The following B3GALT1 variants were observed in gnomAD, a reference collection of about 807,000 sequenced individuals.
The protein encoded by B3GALT1 is beta-1,3-galactosyltransferase 1.
Under a neutral mutation model 23.2 loss-of-function variants are expected in B3GALT1, and 10 were observed. The observed-to-expected ratio is 0.43, with a 90% CI of 0.27 to 0.73. The LOEUF is 0.73. Ranked by LOEUF, B3GALT1 falls within the 30% of genes least tolerant of loss-of-function variation. B3GALT1 has a pLI of 0.21. For synonymous variants in B3GALT1, 156 were observed against 141.5 expected, an observed-to-expected ratio of 1.10 and a Z score of -0.73; for missense variants, 299 against 405.4, an observed-to-expected ratio of 0.74 and a Z score of 2.25.
chr2:167,863,818 G>C lies in B3GALT1; in HGVS notation c.-229-4993G>C, dbSNP rs77609855. Reference sequence around the variant, plus strand: ...TAGCCACTCTTTAGGTTTTCAGCAAGTTTCTTTTCAGACTTCAAATTCTCT... The same window carrying C: ...TAGCCACTCTTTAGGTTTTCAGCAACTTTCTTTTCAGACTTCAAATTCTCT... On this transcript the variant is annotated intron_variant, in intron 4 of 4. Coordinates refer to ENST00000392690, the MANE Select transcript of B3GALT1 (RefSeq NM_020981.4). 3.4e-3 allele frequency among the ~76,000 whole-genome samples: 512 copies of C among 152,222 alleles called. 6 individuals are homozygous for C. The highest frequency in any genetic ancestry group is 0.012 in the African/African-American group (492 of 41,530).
intron 1 of B3GALT1, among the ~76,000 whole-genome samples, chr2:167,444,864 C>A (rs1559098606): frequency 6.6e-6 from 1 of 152,240 alleles, no homozygotes; most frequent in East Asian, 1.9e-4. Context: ...TCTGTATCTC[C>A]TTCAGTTCTG....
intron 3 of B3GALT1, among the ~76,000 whole-genome samples, chr2:167,765,016 T>A (rs900351696): frequency 1.3e-5 from 2 of 152,134 alleles, no homozygotes; most frequent in Non-Finnish European, 2.9e-5. Flanking sequence ...TGGGAACCTT[T>A]ACCCACCTGC....
At position 167,314,946 on chromosome 2, in the gene B3GALT1, C is replaced by T. The variant is rs1483962197; in HGVS notation, c.-511+21612C>T. 2.6e-5 allele frequency among the ~76,000 whole-genome samples: 4 copies of T among 152,256 alleles called. No homozygotes were observed. In the East Asian group the frequency reaches 7.7e-4, roughly 29 times the overall value. ...TCCATTTCTAATTAGAGAGCTGTTT[C>T]ATGGCTCAGCTCAATGTGTCCATTA... On this transcript the variant is annotated intron_variant, in intron 1 of 4. Transcript: ENST00000392690.
intron 3 of B3GALT1, among the ~76,000 whole-genome samples, chr2:167,711,464 C>T (rs937955652): frequency 2.6e-5 from 4 of 152,070 alleles, no homozygotes; most frequent in African/African-American, 9.7e-5. Context: ...ACCTGACGGT[C>T]CTCTGAGTCA....
chr2:167,773,877 A>C (rs950172364), intron 3 of B3GALT1, among the ~76,000 whole-genome samples: 5 of 152,214 alleles, frequency 3.3e-5, no homozygotes, highest in Non-Finnish European at 5.9e-5. Context: ...AATCTGGACA[A>C]GACTTTGTCT....
chr2:167,550,241 A>G (rs990281190), intron 2 of B3GALT1, among the ~76,000 whole-genome samples: 1 of 152,224 alleles, frequency 6.6e-6, no homozygotes, highest in South Asian at 2.1e-4. Context: ...ATGCATTTCA[A>G]AAAATAATTA....
chr2:167,763,413 G>T (rs1399643985), intron 3 of B3GALT1, among the ~76,000 whole-genome samples: 1 of 152,166 alleles, frequency 6.6e-6, no homozygotes, highest in Non-Finnish European at 1.5e-5. Flanking sequence ...GATAAGAGCT[G>T]CATGTTTTAA....
chr2:167,344,277 C>T (rs533156978), intron 1 of B3GALT1, among the ~76,000 whole-genome samples: 1 of 152,220 alleles, frequency 6.6e-6, no homozygotes, highest in South Asian at 2.1e-4. Context: ...GCCCCCAAAA[C>T]AAACTCACCT....
In B3GALT1 at chr2:167,508,903, C is replaced by T. The variant is rs60869129; in HGVS notation, c.-410+18626C>T. On this transcript the variant is annotated intron_variant, in intron 2 of 4. Coordinates refer to ENST00000392690, the MANE Select transcript of B3GALT1 (RefSeq NM_020981.4). ...GAAGAAAAATGCATTGGCAGATTGT[C>T]ATTAACATGTTTACATAGGAATTTA... Among the ~76,000 whole-genome samples, 1,217 of 152,268 alleles carry T rather than the reference C, an allele frequency of 8.0e-3. 20 individuals carry two copies. Among genetic ancestry groups the T allele is most frequent in the African/African-American group, 0.028 (1,160 of 41,544 alleles).
intron 3 of B3GALT1, among the ~76,000 whole-genome samples, chr2:167,810,165 T>C (rs1688855632): frequency 6.6e-6 from 1 of 150,996 alleles, no homozygotes. Context: ...TGACCCGATT[T>C]TCCAGGTGCC....
At chr2:167,690,293 T>C (rs1686689202) in intron 3 of B3GALT1, among the ~76,000 whole-genome samples, 1 of 152,004 alleles carries the variant, frequency 6.6e-6, no homozygotes, top group Admixed American at 6.6e-5. Context: ...CTATAAAATA[T>C]AAATGCTAAG....
At chr2:167,301,911 TCTC>T (rs1696453626) in intron 1 of B3GALT1, among the ~76,000 whole-genome samples, 1 of 152,090 alleles carries the variant, frequency 6.6e-6, no homozygotes, top group African/African-American at 2.4e-5. Flanking sequence ...GGGAAAAATG[TCTC>T]CTCAATAGGT....
intron 4 of B3GALT1, among the ~76,000 whole-genome samples, chr2:167,823,514 G>C (rs4996971): frequency 0.15 from 22,927 of 152,250 alleles, 2,256 homozygotes; most frequent in East Asian, 0.39. Context: ...CAGCTGTCTA[G>C]AATTTTGTAA....
chr2:167,583,548 C>A (rs1240547510), intron 2 of B3GALT1, among the ~76,000 whole-genome samples: 2 of 152,134 alleles, frequency 1.3e-5, no homozygotes, highest in African/African-American at 4.8e-5. Context: ...TTAATTTCAA[C>A]ATTCATCTTT....
At chr2:167,357,239 A>G (rs184295045) in intron 1 of B3GALT1, among the ~76,000 whole-genome samples, 8 of 152,134 alleles carry the variant, frequency 5.3e-5, no homozygotes, top group African/African-American at 1.7e-4. Context: ...AGTTTTCTCC[A>G]ATTAACTTAC....
At chr2:167,667,458 T>C (rs1490115863) in intron 3 of B3GALT1, among the ~76,000 whole-genome samples, 2 of 152,114 alleles carry the variant, frequency 1.3e-5, no homozygotes, top group Admixed American at 6.5e-5. Flanking sequence ...GGAGTATCTT[T>C]GTGGTGTTCT....
At chr2:167,463,108 T>C (rs2105326640) in intron 1 of B3GALT1, among the ~76,000 whole-genome samples, 1 of 152,182 alleles carries the variant, frequency 6.6e-6, no homozygotes, top group East Asian at 1.9e-4. Context: ...TCTTTCCTAA[T>C]GAGTTGTCCT....
At chr2:167,441,309 C>T (rs1161572560) in intron 1 of B3GALT1, among the ~76,000 whole-genome samples, 1 of 152,182 alleles carries the variant, frequency 6.6e-6, no homozygotes, top group Non-Finnish European at 1.5e-5. Flanking sequence ...TTAGCTGGAG[C>T]AAACTCTGAA....
rs577873698 is a variant in B3GALT1 at position 167,538,604 on chromosome 2, A to C, written c.-410+48327A>C. 1.2e-3 allele frequency among the ~76,000 whole-genome samples: 178 copies of C among 152,300 alleles called. 3 individuals are homozygous for C. Among genetic ancestry groups the C allele is most frequent in the Middle Eastern group, 3.4e-3 (1 of 294 alleles). Reference sequence around the variant, plus strand: ...ATTCCCTTTGAATCACCCTGGGTGGAGCAGCGTACATTACTCTGTTCACAG... The same window carrying C: ...ATTCCCTTTGAATCACCCTGGGTGGCGCAGCGTACATTACTCTGTTCACAG... On this transcript the variant is annotated intron_variant, in intron 2 of 4. Transcript: ENST00000392690.
Sources: gnomAD v4.1 joint callset for allele counts (sites outside exome capture counted in the v4.1 genomes callset) on GRCh38, gnomAD v4.1.1 for gene constraint, MANE v1.5 for transcripts, NCBI Gene and HGNC (gene_info 2026-07-23, HGNC 2026-07-21) for gene names.